Variants in SND1 observed in about 807,000 individuals in gnomAD.
SND1 encodes the protein staphylococcal nuclease and tudor domain containing 1.
A neutral mutation model predicts 121.7 loss-of-function variants in SND1; 38 were observed. The ratio of observed to expected loss-of-function variants is 0.31; its 90% CI spans 0.24 to 0.41. The LOEUF (loss-of-function observed/expected upper bound fraction) is 0.41, where lower values mean the gene tolerates loss of function less well. Among genes scored for constraint, SND1 ranks in the 10% least tolerant of loss-of-function variants. The pLI is 1.00. For missense variants in SND1, 868 were observed against 1,184.6 expected (o/e 0.73, Z 3.92); for synonymous variants, 401 against 447.4 (o/e 0.90, Z 1.31).
intron 15 of SND1, among the ~76,000 whole-genome samples, chr7:127,963,105 G>A (rs1465369033): frequency 6.6e-6 from 1 of 152,130 alleles, no homozygotes; most frequent in Non-Finnish European, 1.5e-5. Context: ...ATTATGTTCT[G>A]ACCTGAACAA....
At chr7:127,882,050 C>G (rs77979491) in intron 12 of SND1, among the ~76,000 whole-genome samples, 8,173 of 152,000 alleles carry the variant, frequency 0.054, 640 homozygotes, top group African/African-American at 0.17. Flanking sequence ...CCCAGGAGTT[C>G]ACAACCATCC....
At chr7:127,807,903 A>G (rs965176361) in intron 11 of SND1, among the ~76,000 whole-genome samples, 1 of 152,124 alleles carries the variant, frequency 6.6e-6, no homozygotes, top group African/African-American at 2.4e-5. Flanking sequence ...TTAAATGTCC[A>G]GGGCTATGGA....
chr7:127,841,104 C>A (rs1454194452), intron 11 of SND1, among the ~76,000 whole-genome samples: 4 of 152,280 alleles, frequency 2.6e-5, no homozygotes, highest in Non-Finnish European at 5.9e-5. Flanking sequence ...TTATTACTCC[C>A]ACACATGTGG....
At chr7:128,006,474 C>T (rs1802979650) in intron 16 of SND1, among the ~76,000 whole-genome samples, 1 of 152,180 alleles carries the variant, frequency 6.6e-6, no homozygotes, top group South Asian at 2.1e-4. Flanking sequence ...CTGTGCATTG[C>T]GAATGGCAAA....
At chr7:127,680,768 C>T (rs374884727) in intron 1 of SND1, among the ~76,000 whole-genome samples, 8 of 150,530 alleles carry the variant, frequency 5.3e-5, no homozygotes, top group Admixed American at 2.7e-4. Context: ...TCCTCCTCGG[C>T]TTACGAGATG....
chr7:127,699,761 A>G (rs564133816), intron 4 of SND1, among the ~76,000 whole-genome samples: 96 of 152,322 alleles, frequency 6.3e-4, no homozygotes, highest in Non-Finnish European at 1.1e-3. Flanking sequence ...GGAGGCTATA[A>G]TAATGCTGTT....
At chr7:127,780,408 G>C (rs1338496172) in intron 10 of SND1, among the ~76,000 whole-genome samples, 1 of 152,144 alleles carries the variant, frequency 6.6e-6, no homozygotes, top group East Asian at 1.9e-4. Context: ...TAGAATAATG[G>C]AATATCAAAA....
intron 8 of SND1, among the ~76,000 whole-genome samples, chr7:127,706,265 C>CCCT (rs1554414088): frequency 2.2e-5 from 2 of 92,042 alleles, no homozygotes; most frequent in African/African-American, 4.5e-5. Flanking sequence ...CCCCCCCCAC[C>CCCT]TTTTTTTTTT....
At chr7:127,860,165 T>C (rs1799349610) in intron 12 of SND1, among the ~76,000 whole-genome samples, 1 of 152,182 alleles carries the variant, frequency 6.6e-6, no homozygotes. Context: ...TAAACAGTAC[T>C]GTCAACATTA....
chr7:127,877,304 G>A (rs1799710438), intron 12 of SND1, among the ~76,000 whole-genome samples: 2 of 152,078 alleles, frequency 1.3e-5, no homozygotes, highest in African/African-American at 4.8e-5. Flanking sequence ...TTGCTAAATT[G>A]CTTTGGCCCA....
At chr7:127,721,747 C>G (rs1029700865) in intron 10 of SND1, among the ~76,000 whole-genome samples, 3 of 152,164 alleles carry the variant, frequency 2.0e-5, no homozygotes, top group Admixed American at 1.3e-4. Flanking sequence ...AGGTCTGTAT[C>G]TCGTGTACAT....
chr7:127,795,376 A>G (rs1247787924), intron 10 of SND1, among the ~76,000 whole-genome samples: 2 of 152,204 alleles, frequency 1.3e-5, no homozygotes, highest in Non-Finnish European at 2.9e-5. Flanking sequence ...GTGTTTACTT[A>G]GGGTTAATCT....
chr7:128,006,666 C>T lies in SND1; in HGVS notation c.1779+15610C>T, dbSNP rs568380096. 1.3e-3 allele frequency among the ~76,000 whole-genome samples: 191 copies of T among 152,334 alleles called. 5 individuals are homozygous for T. The South Asian group carries it at 0.038, about 30-fold the overall frequency. On this transcript the variant is annotated intron_variant, in intron 16 of 23. Coordinates refer to ENST00000354725, the MANE Select transcript of SND1 (RefSeq NM_014390.4). ...ACAGAAGCAACTGTTGTCCCCCACA[C>T]CCAGTGTGGTCACCAGGCCCTCTCA... is the stretch of plus-strand genomic sequence containing the variant.
intron 14 of SND1, among the ~76,000 whole-genome samples, chr7:127,916,233 T>C (rs1800577351): frequency 6.6e-6 from 1 of 152,118 alleles, no homozygotes; most frequent in Admixed American, 6.6e-5. Context: ...GGCGGAAAGA[T>C]AAATGTGAGA....
intron 13 of SND1, among the ~76,000 whole-genome samples, chr7:127,889,052 A>T (rs1799961145): frequency 1.3e-5 from 2 of 152,112 alleles, no homozygotes; most frequent in Non-Finnish European, 1.5e-5. Context: ...ACAGAATGTC[A>T]GCCGAGAAAT....
intron 15 of SND1, among the ~76,000 whole-genome samples, chr7:127,971,597 T>C (rs1801988095): frequency 6.6e-6 from 1 of 152,162 alleles, no homozygotes; most frequent in Admixed American, 6.5e-5. Context: ...TCACTGGGTT[T>C]ACAAACACCA....
At chr7:127,730,471 T>G (rs1445555359) in intron 10 of SND1, among the ~76,000 whole-genome samples, 1 of 152,240 alleles carries the variant, frequency 6.6e-6, no homozygotes, top group African/African-American at 2.4e-5. Flanking sequence ...AGCCACTTGA[T>G]GTAATAGCCT....
chr7:127,954,066 TG>T (rs1801534965), intron 15 of SND1, among the ~76,000 whole-genome samples: 1 of 152,234 alleles, frequency 6.6e-6, no homozygotes, highest in African/African-American at 2.4e-5. Context: ...TGGGCAAAGA[TG>T]GACCTGCTGA....
chr7:127,928,837 C>T (rs1052623251), intron 14 of SND1, among the ~76,000 whole-genome samples: 2 of 152,100 alleles, frequency 1.3e-5, no homozygotes, highest in South Asian at 2.1e-4. Flanking sequence ...GTGATCCACC[C>T]GCCTCAGCCT....
Sources: allele counts gnomAD v4.1 joint callset (sites outside exome capture counted in the v4.1 genomes callset), GRCh38; gene constraint gnomAD v4.1.1; transcripts MANE v1.5; gene names NCBI Gene and HGNC (gene_info 2026-07-23, HGNC 2026-07-21).